The following PTPN13 variants were observed in gnomAD, a reference collection of about 807,000 sequenced individuals.
PTPN13 encodes tyrosine-protein phosphatase non-receptor type 13.
A neutral mutation model predicts 284.0 loss-of-function variants in PTPN13; 191 were observed. The ratio of observed to expected loss-of-function variants is 0.67; its 90% CI spans 0.60 to 0.76. The LOEUF (loss-of-function observed/expected upper bound fraction) is 0.76. PTPN13 is among the 30% of genes least tolerant of loss of function. The pLI is 0.00. For synonymous variants in PTPN13, 986 were observed against 1,022.3 expected (o/e 0.96, Z 0.68); for missense variants, 2,797 against 2,939.9 (o/e 0.95, Z 1.12).
chr4:86,787,592 C>CAAAAAA (rs71657586), intron 40 of PTPN13, among the ~76,000 whole-genome samples: 3 of 130,696 alleles, frequency 2.3e-5, no homozygotes, highest in Non-Finnish European at 3.3e-5. Context: ...GATTCTGTCT[C>CAAAAAA]AAAAAAAAAA....
chr4:86,765,626 G>A, intron 26 of PTPN13, 138 bp downstream of exon 26: 1 of 587,676 alleles, frequency 1.7e-6, no homozygotes, highest in African/African-American at 1.9e-5. Flanking sequence ...GTAGCATTAA[G>A]AAACTCTTTG....
chr4:86,660,983 C>T (rs1055468081), intron 2 of PTPN13, among the ~76,000 whole-genome samples: 3 of 152,120 alleles, frequency 2.0e-5, no homozygotes, highest in East Asian at 1.9e-4. Flanking sequence ...AATTTTTATA[C>T]TTAACAGAGA....
chr4:86,734,418 C>G lies in PTPN13; in HGVS notation c.1974C>G (p.Phe658Leu), dbSNP rs1735270172. 1 of 1,558,182 alleles carries G rather than the reference C, an allele frequency of 6.4e-7. No individual in the cohort carries two copies. The highest frequency in any genetic ancestry group is 2.4e-5 in the East Asian group (1 of 42,320). Reference sequence around the variant, plus strand: ...CCACTGTTAATTTTACTTTGTTTTTCAGAATTAAATTTTTTATGGATGATG... The same window carrying G: ...CCACTGTTAATTTTACTTTGTTTTTGAGAATTAAATTTTTTATGGATGATG... ...TKATVNFTLF[F>L]RIKFFMDDVS... is the part of the protein sequence containing the mutation. Residue 658 changes from phenylalanine to leucine, a missense_variant, in exon 13 of 48, where the codon TTC becomes TTG. Physicochemically the swap from Phe to Leu is conservative, Grantham distance 22 (BLOSUM62 0). Coordinates refer to ENST00000411767, the MANE Select transcript of PTPN13 (RefSeq NM_080683.3).
intron 20 of PTPN13, among the ~76,000 whole-genome samples, chr4:86,756,407 A>G (rs1737976329): frequency 6.6e-6 from 1 of 152,062 alleles, no homozygotes; most frequent in Non-Finnish European, 1.5e-5. Context: ...TAAATAATGG[A>G]TGGGCTTTTG....
intron 2 of PTPN13, among the ~76,000 whole-genome samples, chr4:86,660,419 T>C (rs1163495179): frequency 6.6e-6 from 1 of 152,120 alleles, no homozygotes; most frequent in Non-Finnish European, 1.5e-5. Flanking sequence ...AAAAAGACTT[T>C]ATAGGAAATA....
intron 15 of PTPN13, among the ~76,000 whole-genome samples, chr4:86,736,525 T>G (rs1320837397): frequency 6.6e-6 from 1 of 152,178 alleles, no homozygotes; most frequent in Admixed American, 6.5e-5. Flanking sequence ...TTACATTACC[T>G]TTAATCTAGT....
Position 86,689,149 on chromosome 4 carries a change from G to A in PTPN13, c.505G>A (p.Val169Met), listed in dbSNP as rs202103940. Residue 169 changes from valine to methionine, a missense_variant, in exon 5 of 48, where the codon GTG becomes ATG. By Grantham distance (21) the Val-to-Met change is conservative (BLOSUM62 1). Coordinates refer to ENST00000411767, the MANE Select transcript of PTPN13 (RefSeq NM_080683.3). ...NSNCAPSFSY[V>M]KHLVKLVLGN... ...CAATTGTGCACCCTCATTTTCCTAC[G>A]TGAAACACTTGGTAAAACTGGTTCT... 266 of 1,613,570 alleles carry A rather than the reference G, an allele frequency of 1.6e-4. No homozygotes were observed. Among genetic ancestry groups the A allele is most frequent in the African/African-American group, 2.7e-4 (20 of 75,012 alleles).
chr4:86,695,462 T>C (rs933795408), intron 6 of PTPN13, among the ~76,000 whole-genome samples: 1 of 152,020 alleles, frequency 6.6e-6, no homozygotes, highest in Non-Finnish European at 1.5e-5. Flanking sequence ...TAGCAGCAAT[T>C]TGTTAATTGA....
At chr4:86,668,703 C>G (rs182151353) in intron 2 of PTPN13, among the ~76,000 whole-genome samples, 152 of 151,446 alleles carry the variant, frequency 1.0e-3, no homozygotes, top group Middle Eastern at 3.4e-3. Flanking sequence ...TCAAGTGATT[C>G]TCCTGCCTCA....
chr4:86,741,808 T>G lies in PTPN13; in HGVS notation c.2479T>G (p.Ser827Ala). ...RFPWRETKKI[S>A]FSKKKITLQN... is the part of the protein sequence containing the mutation. ...TCCATGGAGGGAAACCAAGAAAATATCTTTTTCTGTATGTCCATTTAACCT... is the reference window on the plus strand; with the variant it reads ...TCCATGGAGGGAAACCAAGAAAATAGCTTTTTCTGTATGTCCATTTAACCT... The change falls in exon 16 of 48, where the codon TCT becomes GCT. Residue 827 changes from serine to alanine, a missense_variant. Coordinates refer to ENST00000411767, the MANE Select transcript of PTPN13 (RefSeq NM_080683.3). 6.3e-7 allele frequency: 1 copy of G among 1,593,600 alleles called. No homozygotes were observed.
chr4:86,795,521 C>G (rs528750939), intron 40 of PTPN13, among the ~76,000 whole-genome samples: 3 of 152,142 alleles, frequency 2.0e-5, no homozygotes, highest in Non-Finnish European at 4.4e-5. Context: ...CCATTTGACC[C>G]AGTGATCACA....
Position 86,796,921 on chromosome 4 carries a change from A to C in PTPN13, c.6393A>C (p.Lys2131Asn). The part of the protein sequence containing the change: ...GCEEYCEEKV[K>N]SESLIQKPQE... ...AAGAATATTGTGAAGAAAAAGTAAA[A>C]AGTGAAAGGTGAGAAAATAATTTTC... is the stretch of plus-strand genomic sequence containing the variant. Residue 2131 changes from lysine (K) to asparagine (N), a missense_variant, in exon 41 of 48, where the codon AAA becomes AAC. By Grantham distance (94) the Lys-to-Asn change is moderately conservative. Coordinates refer to ENST00000411767, the MANE Select transcript of PTPN13 (RefSeq NM_080683.3). The C allele has an allele frequency of 6.7e-7, 1 of 1,481,784 alleles. No homozygotes were observed. The highest frequency in any genetic ancestry group is 9.3e-7 in the Non-Finnish European group (1 of 1,075,184). The allele number at this position is 1,481,784 out of a possible 1,614,324, so 91.8% of individuals were successfully genotyped here. A position where few individuals can be genotyped will look rare whatever the true frequency, so the allele number is the denominator to read the frequency against.
rs1565330374 is a variant in PTPN13 at position 86,689,644 on chromosome 4, TC to T, written c.546+457del. 4.3e-6 allele frequency: 3 copies of T among 702,324 alleles called. No individual in the cohort carries two copies. The South Asian group carries it at 4.4e-5, about 10-fold the overall frequency. The allele number at this position is 702,324 out of a possible 1,614,324, so 43.5% of individuals were successfully genotyped here. A position where few individuals can be genotyped will look rare whatever the true frequency, so the allele number is the denominator to read the frequency against. The stretch of plus-strand genomic sequence containing the variant: ...GGTATTTCCCAAACCTTCTCCACTT[TC>T]CCTTCTTCTCGGAACACTGCTACCT... On this transcript the variant is annotated intron_variant, in intron 5 of 47. Transcript: ENST00000411767.
chr4:86,720,541 A>G (rs576600404), intron 9 of PTPN13, among the ~76,000 whole-genome samples: 3 of 152,144 alleles, frequency 2.0e-5, no homozygotes, highest in Non-Finnish European at 2.9e-5. Context: ...GCTAAACTCT[A>G]TTTCTTTTAA....
At chr4:86,748,583 C>T (rs1395861299) in intron 17 of PTPN13, among the ~76,000 whole-genome samples, 1 of 152,040 alleles carries the variant, frequency 6.6e-6, no homozygotes, top group African/African-American at 2.4e-5. Context: ...TGATTACAGG[C>T]TACTCGTAAA....
rs1729733786 is a variant in PTPN13 at position 86,688,954 on chromosome 4, A to G, written c.361-51A>G. The G allele has an allele frequency of 2.1e-5, 30 of 1,430,946 alleles. No individual in the cohort carries two copies. The Admixed American group carries it at 2.8e-4, about 13-fold the overall frequency. The allele number at this position is 1,430,946 out of a possible 1,614,324, so 88.6% of individuals were successfully genotyped here. On this transcript the variant is annotated intron_variant, in intron 4 of 47. Coordinates refer to ENST00000411767, the MANE Select transcript of PTPN13 (RefSeq NM_080683.3). ...TCCTAGAATGATTTGTCTCATTAGA[A>G]AAAATATTTGCTCACATTTACTCAC...
intron 41 of PTPN13, among the ~76,000 whole-genome samples, chr4:86,797,441 G>A (rs1239193168): frequency 4.0e-5 from 6 of 151,764 alleles, no homozygotes; most frequent in Admixed American, 6.6e-5. Flanking sequence ...ACAGTGAGCC[G>A]AGATCGCGCC....
At chr4:86,773,859 A>G (rs761664811) in intron 32 of PTPN13, among the ~76,000 whole-genome samples, 1 of 152,116 alleles carries the variant, frequency 6.6e-6, no homozygotes, top group Non-Finnish European at 1.5e-5. Context: ...GAAATCTTTT[A>G]AAAGTATATT....
At chr4:86,661,132 A>G (rs952967955) in intron 2 of PTPN13, 1 of 453,250 alleles carries the variant, frequency 2.2e-6, no homozygotes, top group Non-Finnish European at 4.4e-6. Context: ...AGTCTCCCTC[A>G]TGTTCCCTCC....
Sources: allele counts gnomAD v4.1 joint callset (sites outside exome capture counted in the v4.1 genomes callset), GRCh38; gene constraint gnomAD v4.1.1; transcripts MANE v1.5; gene names NCBI Gene and HGNC (gene_info 2026-07-23, HGNC 2026-07-21).